The following STXBP6 variants were observed in gnomAD, a reference collection of about 807,000 sequenced individuals.
The protein encoded by STXBP6 is syntaxin-binding protein 6.
Under a neutral mutation model 26.9 loss-of-function variants are expected in STXBP6, and 21 were observed. The observed-to-expected ratio is 0.78, with a 90% confidence interval of 0.55 to 1.12. The LOEUF (loss-of-function observed/expected upper bound fraction) is 1.12, where lower values mean the gene tolerates loss of function less well. Ranked by LOEUF, STXBP6 falls within the 50% of genes most tolerant of loss-of-function variation. STXBP6 has a pLI of 0.00. For missense variants in STXBP6, 232 were observed against 257.9 expected, an observed-to-expected ratio of 0.90 and a Z score of 0.69; for synonymous variants, 97 against 92.6, an observed-to-expected ratio of 1.05 and a Z score of -0.27.
At chr14:24,892,492 T>A (rs982530639) in intron 2 of STXBP6, among the ~76,000 whole-genome samples, 1 of 152,184 alleles carries the variant, frequency 6.6e-6, no homozygotes, top group Non-Finnish European at 1.5e-5. Flanking sequence ...GAAGAAATCA[T>A]GGAGTTGCAT....
At chr14:24,934,542 T>C (rs987412445) in intron 2 of STXBP6, among the ~76,000 whole-genome samples, 3 of 152,160 alleles carry the variant, frequency 2.0e-5, no homozygotes. Context: ...CATTCCATGA[T>C]GACATCCAGC....
intron 2 of STXBP6, among the ~76,000 whole-genome samples, chr14:24,883,052 A>G (rs1254775021): frequency 6.6e-6 from 1 of 152,236 alleles, no homozygotes; most frequent in Non-Finnish European, 1.5e-5. Flanking sequence ...TTGTATTTTC[A>G]CATAATTAAA....
Position 25,008,845 on chromosome 14 carries a change from CAGA to C in STXBP6, c.-32-33998_-32-33996del, listed in dbSNP as rs2074965256. 2.6e-5 allele frequency among the ~76,000 whole-genome samples: 4 copies of C among 152,334 alleles called. No individual in the cohort carries two copies. The East Asian group carries it at 7.7e-4, about 29-fold the overall frequency. ...GCAAGCAGTAGCATCTAACAACTCACAGAAGAATGGCTAAGCTTTTAAATCCCA... is the reference window on the plus strand; with the variant it reads ...GCAAGCAGTAGCATCTAACAACTCACAGAATGGCTAAGCTTTTAAATCCCA... On this transcript the variant is annotated intron_variant, in intron 1 of 5. Transcript: ENST00000323944.
At chr14:24,986,467 G>C (rs1421726252) in intron 1 of STXBP6, among the ~76,000 whole-genome samples, 1 of 152,150 alleles carries the variant, frequency 6.6e-6, no homozygotes, top group African/African-American at 2.4e-5. Flanking sequence ...TTCTCGGTTT[G>C]GGAATTAATG....
chr14:24,990,269 G>T (rs1021529348), intron 1 of STXBP6, among the ~76,000 whole-genome samples: 2 of 152,084 alleles, frequency 1.3e-5, no homozygotes, highest in South Asian at 2.1e-4. Context: ...GCACCACATG[G>T]GTATGCTTCC....
rs374651732 is a variant in STXBP6 at position 24,992,483 on chromosome 14, CA to C, written c.-32-17634del. On this transcript the variant is annotated intron_variant, in intron 1 of 5. Transcript: ENST00000323944. ...AAACACCTAATGCAGGACCATAATC[CA>C]GGGGTCAGCAAATATAAAGGACCAC... Among the ~76,000 whole-genome samples, 527 of 152,214 alleles carry C rather than the reference CA, an allele frequency of 3.5e-3. 2 individuals are homozygous for C. Among genetic ancestry groups the C allele is most frequent in the African/African-American group, 0.012 (503 of 41,534 alleles).
chr14:24,911,955 A>G (rs755208782), intron 2 of STXBP6, among the ~76,000 whole-genome samples: 42 of 152,248 alleles, frequency 2.8e-4, no homozygotes, highest in Non-Finnish European at 4.6e-4. Context: ...TCTTGTCCAC[A>G]TGGCAGCACT....
At chr14:24,826,052 T>G (rs901404904) in intron 4 of STXBP6, among the ~76,000 whole-genome samples, 1 of 152,218 alleles carries the variant, frequency 6.6e-6, no homozygotes, top group African/African-American at 2.4e-5. Context: ...TTATGTTTGC[T>G]GACAAACCAG....
chr14:24,955,020 T>G (rs1478560886), intron 2 of STXBP6, among the ~76,000 whole-genome samples: 7 of 152,230 alleles, frequency 4.6e-5, no homozygotes, highest in Non-Finnish European at 8.8e-5. Flanking sequence ...GAGAGGGTTG[T>G]AGAAGGATTA....
intron 1 of STXBP6, among the ~76,000 whole-genome samples, chr14:25,023,628 G>A (rs1347129751): frequency 6.6e-6 from 1 of 151,964 alleles, no homozygotes; most frequent in African/African-American, 2.4e-5. Flanking sequence ...GGGCAACATA[G>A]CAAGACCCCG....
chr14:24,835,687 T>C (rs1457032236), intron 4 of STXBP6, among the ~76,000 whole-genome samples: 2 of 152,206 alleles, frequency 1.3e-5, no homozygotes, highest in East Asian at 3.8e-4. Flanking sequence ...AAAAAATAGG[T>C]AGTATCAAGT....
intron 3 of STXBP6, among the ~76,000 whole-genome samples, chr14:24,856,542 T>G (rs1216311989): frequency 2.0e-5 from 3 of 152,042 alleles, no homozygotes; most frequent in Non-Finnish European, 4.4e-5. Context: ...GAGGTGTGCA[T>G]GTGAGCAACG....
chr14:24,917,134 G>A (rs1188970093), intron 2 of STXBP6, among the ~76,000 whole-genome samples: 1 of 151,876 alleles, frequency 6.6e-6, no homozygotes, highest in Non-Finnish European at 1.5e-5. Context: ...CATTTCTAGG[G>A]GACTAAGGAG....
Position 24,974,113 on chromosome 14 carries a change from A to G in STXBP6, c.154+552T>C, listed in dbSNP as rs114337484. 9.2e-3 allele frequency among the ~76,000 whole-genome samples: 1,394 copies of G among 152,298 alleles called. 30 individuals are homozygous for G. The highest frequency in any genetic ancestry group is 0.032 in the African/African-American group (1,331 of 41,566). On this transcript the variant is annotated intron_variant, in intron 2 of 5. Coordinates refer to ENST00000323944, the MANE Select transcript of STXBP6 (RefSeq NM_001394410.1). ...CAAACAGAAAGAGAAAGAAAAAAAA[A>G]AAACAAGATTCAAAGCTTAATAAAA...
chr14:25,034,660 ACT>A (rs754549519), intron 1 of STXBP6, among the ~76,000 whole-genome samples: 8 of 152,046 alleles, frequency 5.3e-5, no homozygotes, highest in Admixed American at 3.9e-4. Flanking sequence ...TTGGTTTCTG[ACT>A]CTGTAAAACA....
intron 2 of STXBP6, among the ~76,000 whole-genome samples, chr14:24,912,968 T>C (rs2071627880): frequency 6.6e-6 from 1 of 152,214 alleles, no homozygotes; most frequent in Non-Finnish European, 1.5e-5. Flanking sequence ...TTAACTGGGA[T>C]TTAACCTATT....
chr14:24,911,901 C>A (rs2071587703), intron 2 of STXBP6, among the ~76,000 whole-genome samples: 1 of 152,160 alleles, frequency 6.6e-6, no homozygotes, highest in Non-Finnish European at 1.5e-5. Flanking sequence ...TGTCTTCTAC[C>A]CATGAGTCTG....
At chr14:24,977,821 C>T (rs950883243) in intron 1 of STXBP6, among the ~76,000 whole-genome samples, 2 of 152,086 alleles carry the variant, frequency 1.3e-5, no homozygotes, top group African/African-American at 2.4e-5. Context: ...TTTACAAATC[C>T]TCACCTTTCT....
At chr14:24,814,008 G>GA in intron 5 of STXBP6, among the ~76,000 whole-genome samples, 1 of 152,178 alleles carries the variant, frequency 6.6e-6, no homozygotes, top group Non-Finnish European at 1.5e-5. Context: ...AACCTCAGCT[G>GA]AAAGAGCTCC....
Sources: gnomAD v4.1 joint callset for allele counts (sites outside exome capture counted in the v4.1 genomes callset) on GRCh38, gnomAD v4.1.1 for gene constraint, MANE v1.5 for transcripts, NCBI Gene and HGNC (gene_info 2026-07-23, HGNC 2026-07-21) for gene names.